Variants in TMEM135 observed in about 807,000 individuals in gnomAD.
TMEM135 encodes the protein transmembrane protein 135.
In TMEM135, 30 loss-of-function variants were observed where a neutral mutation model predicts 60.3. The ratio of observed to expected loss-of-function variants is 0.50; its 90% CI spans 0.37 to 0.68. The LOEUF (loss-of-function observed/expected upper bound fraction) is 0.68. TMEM135 is among the 30% of genes least tolerant of loss of function. The pLI is 0.00. For synonymous variants in TMEM135, 190 were observed against 186.7 expected (o/e 1.02, Z -0.14); for missense variants, 468 against 548.8 (o/e 0.85, Z 1.47).
In TMEM135 at chr11:87,325,520, G is replaced by C. The variant is rs996171206; in HGVS notation, c.*4187G>C. The stretch of plus-strand genomic sequence containing the variant: ...TCTCTCTCCCTCTCTCTCTCTCTCT[G>C]TCTGTCTCTCTTGCTGCTCCCTCTC... On this transcript the variant is annotated 3_prime_UTR_variant, in exon 15 of 15. Coordinates refer to ENST00000305494, the MANE Select transcript of TMEM135 (RefSeq NM_022918.4). 8 of 453,122 alleles carry C rather than the reference G, an allele frequency of 1.8e-5. No homozygotes were observed. Among genetic ancestry groups the C allele is most frequent in the South Asian group, 6.2e-5 (4 of 64,398 alleles). 28.1% of individuals were successfully genotyped at this position (453,122 alleles called of 1,614,324 possible).
At chr11:87,065,520 T>G (rs1856632111) in intron 1 of TMEM135, among the ~76,000 whole-genome samples, 1 of 152,220 alleles carries the variant, frequency 6.6e-6, no homozygotes. Flanking sequence ...GGTTGTTTGC[T>G]TTTTATTGTT....
At chr11:87,233,720 C>G (rs1010260079) in intron 5 of TMEM135, among the ~76,000 whole-genome samples, 2 of 152,012 alleles carry the variant, frequency 1.3e-5, no homozygotes, top group African/African-American at 2.4e-5. Context: ...AATATCCTAT[C>G]TAGCAGGTAC....
At chr11:87,187,138 A>C (rs531611342) in intron 5 of TMEM135, among the ~76,000 whole-genome samples, 18 of 152,218 alleles carry the variant, frequency 1.2e-4, no homozygotes, top group African/African-American at 3.9e-4. Flanking sequence ...TTTGTGTCTC[A>C]TGGGGAGCTA....
intron 6 of TMEM135, among the ~76,000 whole-genome samples, chr11:87,286,493 T>G (rs1381914740): frequency 1.3e-5 from 2 of 152,234 alleles, no homozygotes; most frequent in African/African-American, 4.8e-5. Context: ...CGGGCGGAGC[T>G]GCCTGCCAGT....
intron 4 of TMEM135, among the ~76,000 whole-genome samples, chr11:87,116,580 T>G (rs200758823): frequency 7.4e-6 from 1 of 135,864 alleles, no homozygotes; most frequent in African/African-American, 2.7e-5. Context: ...ATAAATTGAT[T>G]AATATCTATT....
chr11:87,295,879 T>A, intron 7 of TMEM135, 56 bp downstream of exon 7: 2 of 1,378,474 alleles, frequency 1.5e-6, no homozygotes, highest in Non-Finnish European at 2.1e-6. Context: ...CTTAAAAAAT[T>A]ATACATAATT....
At chr11:87,054,000 T>TAA (rs1281896633) in intron 1 of TMEM135, among the ~76,000 whole-genome samples, 1 of 152,232 alleles carries the variant, frequency 6.6e-6, no homozygotes, top group Non-Finnish European at 1.5e-5. Flanking sequence ...CCTGAATAAT[T>TAA]AATGAGTCAA....
chr11:87,108,413 T>G (rs1311001550), intron 4 of TMEM135, among the ~76,000 whole-genome samples: 3 of 152,190 alleles, frequency 2.0e-5, no homozygotes, highest in Non-Finnish European at 4.4e-5. Context: ...ATTTAAGTCT[T>G]TAATCCAATG....
At chr11:87,140,142 A>G (rs1938223062) in intron 4 of TMEM135, among the ~76,000 whole-genome samples, 1 of 152,078 alleles carries the variant, frequency 6.6e-6, no homozygotes, top group South Asian at 2.1e-4. Context: ...ATCTCAGCTC[A>G]TTGCAACCTC....
chr11:87,212,242 C>G (rs542829234), intron 5 of TMEM135, among the ~76,000 whole-genome samples: 4 of 151,676 alleles, frequency 2.6e-5, no homozygotes, highest in South Asian at 2.1e-4. Flanking sequence ...GTAGCTGTTA[C>G]GCATTTTTTT....
At chr11:87,313,149 G>A (rs894667159) in intron 10 of TMEM135, among the ~76,000 whole-genome samples, 1 of 151,898 alleles carries the variant, frequency 6.6e-6, no homozygotes, top group Admixed American at 6.6e-5. Flanking sequence ...CCCAGCATTC[G>A]ATAGCTAGGC....
chr11:87,288,015 T>C (rs10898661), intron 6 of TMEM135, among the ~76,000 whole-genome samples: 55,798 of 151,980 alleles, frequency 0.37, 10,905 homozygotes, highest in Non-Finnish European at 0.43. Context: ...TGTAAAAATT[T>C]AAAGTGATGT....
Position 87,321,271 on chromosome 11 carries a change from A to T in TMEM135, c.1315A>T (p.Ile439Phe). Residue 439 changes from isoleucine (I) to phenylalanine (F), a missense_variant, in exon 15 of 15, where the codon ATC becomes TTC. Coordinates refer to ENST00000305494, the MANE Select transcript of TMEM135 (RefSeq NM_022918.4). ...TGCATCTAAACACTTTCAGGATTTC[A>T]TCCCCAGGTTGGATCCAAGATACAC... is the stretch of plus-strand genomic sequence containing the variant. Reference protein sequence around the residue: ...TGASKHFQDFIPRLDPRYTTV... With the variant: ...TGASKHFQDFFPRLDPRYTTV... 6.2e-7 allele frequency: 1 copy of T among 1,613,774 alleles called. No individual in the cohort carries two copies. The highest frequency in any genetic ancestry group is 1.3e-5 in the African/African-American group (1 of 75,034).
chr11:87,074,225 C>CA (rs1429239502), intron 3 of TMEM135, among the ~76,000 whole-genome samples: 1 of 152,176 alleles, frequency 6.6e-6, no homozygotes, highest in African/African-American at 2.4e-5. Flanking sequence ...CTCAGCCCCC[C>CA]AAAGTTTTGG....
chr11:87,071,395 AAT>A (rs1444600600), intron 2 of TMEM135, 126 bp from the exon 3 acceptor site: 3 of 715,548 alleles, frequency 4.2e-6, no homozygotes, highest in Non-Finnish European at 7.4e-6. Flanking sequence ...TTTGATTTTG[AAT>A]ATGTTTATTT....
intron 4 of TMEM135, among the ~76,000 whole-genome samples, chr11:87,094,098 G>A (rs1001404732): frequency 2.0e-5 from 3 of 151,908 alleles, no homozygotes; most frequent in Admixed American, 6.6e-5. Context: ...TTTTATACAA[G>A]GAATTTCCAT....
intron 6 of TMEM135, among the ~76,000 whole-genome samples, chr11:87,269,486 C>A (rs1234340633): frequency 6.6e-6 from 1 of 151,534 alleles, no homozygotes; most frequent in Non-Finnish European, 1.5e-5. Flanking sequence ...CTAATGCTAT[C>A]CCTCCCCCCT....
chr11:87,192,454 A>G (rs1484919561), intron 5 of TMEM135, among the ~76,000 whole-genome samples: 1 of 152,124 alleles, frequency 6.6e-6, no homozygotes, highest in Non-Finnish European at 1.5e-5. Context: ...TATGTATGTT[A>G]TATAAAGGCA....
chr11:87,210,943 A>G (rs897741419), intron 5 of TMEM135, among the ~76,000 whole-genome samples: 4 of 152,186 alleles, frequency 2.6e-5, no homozygotes, highest in African/African-American at 4.8e-5. Flanking sequence ...ATAAAATACA[A>G]TATCACTTCA....
Sources: allele counts gnomAD v4.1 joint callset (sites outside exome capture counted in the v4.1 genomes callset), GRCh38; gene constraint gnomAD v4.1.1; transcripts MANE v1.5; gene names NCBI Gene and HGNC (gene_info 2026-07-23, HGNC 2026-07-21).